FARP1: variants seen among roughly 807,000 people sequenced by gnomAD.
FARP1 encodes FERM, ARHGEF and pleckstrin domain-containing protein 1.
Under a neutral mutation model 128.8 loss-of-function variants are expected in FARP1, and 52 were observed. The observed-to-expected ratio is 0.40, with a 90% CI of 0.32 to 0.51. The LOEUF is 0.51. Among genes scored for constraint, FARP1 ranks in the 20% least tolerant of loss-of-function variants. The pLI, the probability that FARP1 is intolerant of heterozygous loss-of-function variation, is 0.45. For missense variants in FARP1, 1,333 were observed against 1,367.9 expected, an observed-to-expected ratio of 0.97 and a Z score of 0.40; for synonymous variants, 580 against 551.8, an observed-to-expected ratio of 1.05 and a Z score of -0.72.
chr13:98,365,553 A>G (rs1382047042), intron 4 of FARP1, 116 bp downstream of exon 4: 3 of 651,468 alleles, frequency 4.6e-6, no homozygotes, highest in Non-Finnish European at 7.9e-6. Context: ...CTTCTACCCC[A>G]TAATTGCTTT....
At chr13:98,146,739 T>C (rs1380607455) in intron 1 of FARP1, among the ~76,000 whole-genome samples, 1 of 152,246 alleles carries the variant, frequency 6.6e-6, no homozygotes, top group East Asian at 1.9e-4. Flanking sequence ...CCTGTATTGG[T>C]TACCGTTTGC....
chr13:98,252,089 C>T (rs1162257749), intron 2 of FARP1, among the ~76,000 whole-genome samples: 1 of 152,318 alleles, frequency 6.6e-6, no homozygotes, highest in East Asian at 1.9e-4. Flanking sequence ...TTCAAGTGAT[C>T]TGCCCTCTTC....
chr13:98,346,300 C>T (rs1334263121), intron 3 of FARP1, among the ~76,000 whole-genome samples: 2 of 149,290 alleles, frequency 1.3e-5, no homozygotes, highest in African/African-American at 5.0e-5. Context: ...AGCAATTCTC[C>T]TGCCTCAGCC....
At chr13:98,313,371 C>T (rs1161477640) in intron 2 of FARP1, among the ~76,000 whole-genome samples, 9 of 151,744 alleles carry the variant, frequency 5.9e-5, no homozygotes, top group African/African-American at 1.7e-4. Flanking sequence ...GGGAGAAGGC[C>T]GTGTGATGAT....
chr13:98,175,021 T>C (rs1877901385), intron 1 of FARP1, among the ~76,000 whole-genome samples: 1 of 152,172 alleles, frequency 6.6e-6, no homozygotes, highest in African/African-American at 2.4e-5. Flanking sequence ...TGGAAAGTTT[T>C]GCCGAAGTTC....
At chr13:98,186,755 G>A (rs561002507) in intron 1 of FARP1, among the ~76,000 whole-genome samples, 13 of 152,120 alleles carry the variant, frequency 8.5e-5, no homozygotes, top group Admixed American at 6.5e-4. Context: ...ACTTTGGGAG[G>A]TCGAGGTGGG....
chr13:98,346,250 T>A, intron 3 of FARP1, among the ~76,000 whole-genome samples: 1 of 145,154 alleles, frequency 6.9e-6, no homozygotes, highest in Admixed American at 7.2e-5. Flanking sequence ...AGTGCAGTGG[T>A]GCGAGCTTGG....
At chr13:98,320,881 C>T (rs370213690) in intron 2 of FARP1, among the ~76,000 whole-genome samples, 8 of 152,256 alleles carry the variant, frequency 5.3e-5, no homozygotes, top group South Asian at 2.1e-4. Flanking sequence ...CTATCTCCTC[C>T]GAGTCACTCA....
chr13:98,148,920 C>T (rs1234146378), intron 1 of FARP1, among the ~76,000 whole-genome samples: 2 of 151,724 alleles, frequency 1.3e-5, no homozygotes, highest in African/African-American at 4.8e-5. Flanking sequence ...GGTTCTCACT[C>T]CCATTGCCCA....
At chr13:98,391,250 TAAATC>T (rs779917538) in intron 11 of FARP1, among the ~76,000 whole-genome samples, 21 of 152,320 alleles carry the variant, frequency 1.4e-4, no homozygotes, top group Non-Finnish European at 2.2e-4. Flanking sequence ...ACATTTTAAT[TAAATC>T]AAGTAAATCT....
chr13:98,409,779 C>T (rs1411161831), intron 14 of FARP1, among the ~76,000 whole-genome samples: 1 of 152,232 alleles, frequency 6.6e-6, no homozygotes, highest in East Asian at 1.9e-4. Context: ...CTGCCAGCCA[C>T]TGGCACCTCA....
chr13:98,393,302 T>C (rs943616928), intron 11 of FARP1, among the ~76,000 whole-genome samples: 7 of 152,230 alleles, frequency 4.6e-5, no homozygotes, highest in African/African-American at 1.7e-4. Context: ...ATTCAGAGCA[T>C]GGGAGGGCGC....
intron 2 of FARP1, among the ~76,000 whole-genome samples, chr13:98,266,040 G>C (rs939229911): frequency 1.3e-5 from 2 of 152,084 alleles, no homozygotes; most frequent in African/African-American, 4.8e-5. Context: ...GGACTTGAAA[G>C]CGCTTTTTTT....
intron 17 of FARP1, among the ~76,000 whole-genome samples, chr13:98,429,937 A>C (rs1290187956): frequency 6.6e-6 from 1 of 152,208 alleles, no homozygotes; most frequent in African/African-American, 2.4e-5. Context: ...CACATACATG[A>C]TAGAAGAATC....
At chr13:98,276,505 AAG>A (rs779842030) in intron 2 of FARP1, among the ~76,000 whole-genome samples, 5 of 152,232 alleles carry the variant, frequency 3.3e-5, no homozygotes, top group Admixed American at 2.0e-4. Context: ...GTACAGACAA[AAG>A]AGAGGAGCTA....
At chr13:98,372,527 AG>A (rs891057397) in intron 5 of FARP1, among the ~76,000 whole-genome samples, 2 of 152,112 alleles carry the variant, frequency 1.3e-5, no homozygotes, top group Non-Finnish European at 2.9e-5. Flanking sequence ...CTTATAGGTG[AG>A]GGGACCCTAT....
intron 2 of FARP1, among the ~76,000 whole-genome samples, chr13:98,335,970 G>A (rs1255164230): frequency 6.6e-6 from 1 of 152,170 alleles, no homozygotes; most frequent in African/African-American, 2.4e-5. Context: ...ACGGCTCTCT[G>A]TAACCCCAGG....
At chr13:98,338,543 A>G (rs539109257) in intron 2 of FARP1, 1 of 152,260 alleles carries the variant, frequency 6.6e-6, no homozygotes, top group Non-Finnish European at 1.5e-5. Flanking sequence ...CGTCCTCCTC[A>G]TACTGTTTAT....
rs1429929380 is a variant in FARP1, at chr13:98,359,285, C to T, written c.277-6110C>T. Among the ~76,000 whole-genome samples, 35 of 152,108 alleles carry T rather than the reference C, an allele frequency of 2.3e-4. 1 individual carries two copies. The highest frequency in any genetic ancestry group is 2.3e-3 in the Admixed American group (35 of 15,270). On this transcript the variant is annotated intron_variant, in intron 3 of 26. Transcript: ENST00000319562. ...AAATGAGAATGTGTGAAGCACTTAC[C>T]CACTGCCTGGCACACAGTGGGTGCT...
Sources: gnomAD v4.1 joint callset for allele counts (sites outside exome capture counted in the v4.1 genomes callset) on GRCh38, gnomAD v4.1.1 for gene constraint, MANE v1.5 for transcripts, NCBI Gene and HGNC (gene_info 2026-07-23, HGNC 2026-07-21) for gene names.